EYS: variants seen among roughly 807,000 people sequenced by gnomAD.
EYS encodes the protein EGF-like photoreceptor maintenance factor, also known as protein eyes shut homolog.
EYS carries 250 observed loss-of-function variants against 282.1 expected under a neutral mutation model. The observed-to-expected ratio is 0.89, with a 90% CI of 0.80 to 0.98. EYS has a LOEUF of 0.98. Among genes scored for constraint, EYS ranks in the 50% least tolerant of loss-of-function variants. The pLI, the probability that EYS is intolerant of heterozygous loss-of-function variation, is 0.00. For synonymous variants in EYS, 1,355 were observed against 1,282.9 expected, an observed-to-expected ratio of 1.06 and a Z score of -1.20; for missense variants, 4,016 against 3,709.0, an observed-to-expected ratio of 1.08 and a Z score of -2.15.
intron 23 of EYS, among the ~76,000 whole-genome samples, chr6:64,625,649 A>G (rs546928100): frequency 6.6e-6 from 1 of 152,340 alleles, no homozygotes; most frequent in African/African-American, 2.4e-5. Flanking sequence ...TTAGGGTTCA[A>G]CACATGAATT....
intron 26 of EYS, among the ~76,000 whole-genome samples, chr6:64,448,644 C>A (rs1241719762): frequency 6.6e-6 from 1 of 152,150 alleles, no homozygotes; most frequent in Non-Finnish European, 1.5e-5. Flanking sequence ...GCCGGGTACT[C>A]CTCTGAGACA....
intron 33 of EYS, among the ~76,000 whole-genome samples, chr6:64,027,757 G>T (rs1769603291): frequency 6.6e-6 from 1 of 152,236 alleles, no homozygotes; most frequent in African/African-American, 2.4e-5. Flanking sequence ...CACTGCCCCA[G>T]AGGACAAAGT....
intron 12 of EYS, among the ~76,000 whole-genome samples, chr6:65,231,671 TA>T (rs1766786394): frequency 6.6e-6 from 1 of 151,902 alleles, no homozygotes; most frequent in Non-Finnish European, 1.5e-5. Context: ...TGTTGCTTAA[TA>T]ATTAAATTTA....
chr6:65,287,866 T>C (rs1768412870), intron 12 of EYS, among the ~76,000 whole-genome samples: 1 of 151,266 alleles, frequency 6.6e-6, no homozygotes, highest in Non-Finnish European at 1.5e-5. Context: ...CATAACCTTT[T>C]CTTTTATATT....
Position 65,625,226 on chromosome 6 carries a change from A to T in EYS, c.-333+14552T>A, listed in dbSNP as rs140447327. 2.6e-5 allele frequency among the ~76,000 whole-genome samples: 4 copies of T among 152,286 alleles called. No individual in the cohort carries two copies. The East Asian group carries it at 7.7e-4, about 29-fold the overall frequency. On this transcript the variant is annotated intron_variant, in intron 2 of 42. Transcript: ENST00000503581. ...GCAATCTGAGCGAGCAAGGAAACAG[A>T]TTATCTTATATTCCCCGAAAAGCCA...
chr6:63,814,204 A>G (rs1339011258), intron 36 of EYS, among the ~76,000 whole-genome samples: 1 of 152,222 alleles, frequency 6.6e-6, no homozygotes, highest in African/African-American at 2.4e-5. Flanking sequence ...AGAAATAAAA[A>G]TGGCAACCTA....
At chr6:64,873,394 C>T (rs889840194) in intron 19 of EYS, among the ~76,000 whole-genome samples, 1 of 152,000 alleles carries the variant, frequency 6.6e-6, no homozygotes, top group African/African-American at 2.4e-5. Context: ...CAAATCATAT[C>T]AAGCAGTGAA....
intron 12 of EYS, among the ~76,000 whole-genome samples, chr6:65,275,234 C>A (rs1768014224): frequency 6.6e-6 from 1 of 152,178 alleles, no homozygotes; most frequent in African/African-American, 2.4e-5. Context: ...CTGTGGCTAA[C>A]TATGCTCCTT....
intron 5 of EYS, among the ~76,000 whole-genome samples, chr6:65,488,531 C>T (rs1211016444): frequency 1.3e-5 from 2 of 152,098 alleles, no homozygotes; most frequent in African/African-American, 4.8e-5. Flanking sequence ...GAATCAATAT[C>T]TTGAAAATGG....
intron 12 of EYS, among the ~76,000 whole-genome samples, chr6:65,105,424 A>G (rs1775008328): frequency 6.6e-6 from 1 of 151,886 alleles, no homozygotes; most frequent in East Asian, 1.9e-4. Context: ...ACGTACACAC[A>G]TAAACTATTT....
intron 5 of EYS, among the ~76,000 whole-genome samples, chr6:65,466,276 A>G (rs1764995452): frequency 1.3e-5 from 2 of 152,136 alleles, no homozygotes; most frequent in South Asian, 4.1e-4. Context: ...TTTTGTATAT[A>G]CTGTTTTTAT....
chr6:65,390,709 C>A (rs1017492908), intron 7 of EYS, among the ~76,000 whole-genome samples: 1 of 151,718 alleles, frequency 6.6e-6, no homozygotes, highest in Non-Finnish European at 1.5e-5. Flanking sequence ...CATAGTAAGA[C>A]CCCATATCCA....
intron 7 of EYS, among the ~76,000 whole-genome samples, chr6:65,396,884 A>T (rs1399517866): frequency 6.6e-6 from 1 of 151,832 alleles, no homozygotes; most frequent in Non-Finnish European, 1.5e-5. Context: ...AACATCTGCC[A>T]TCCTATCTAA....
chr6:64,002,031 G>T (rs1768118178), intron 33 of EYS, among the ~76,000 whole-genome samples: 1 of 152,194 alleles, frequency 6.6e-6, no homozygotes, highest in South Asian at 2.1e-4. Context: ...CCTATCCTAT[G>T]CCCATATAAA....
intron 7 of EYS, among the ~76,000 whole-genome samples, chr6:65,401,744 C>T (rs1201537842): frequency 6.6e-6 from 1 of 151,682 alleles, no homozygotes; most frequent in African/African-American, 2.4e-5. Context: ...CAGTGTGTTC[C>T]AAGGCTATTC....
chr6:64,650,472 T>C (rs1768519152), intron 22 of EYS, among the ~76,000 whole-genome samples: 1 of 151,936 alleles, frequency 6.6e-6, no homozygotes, highest in South Asian at 2.1e-4. Flanking sequence ...ATTAATTACA[T>C]GAAAGATGAG....
At chr6:64,207,759 G>A (rs1217145677) in intron 31 of EYS, among the ~76,000 whole-genome samples, 2 of 152,124 alleles carry the variant, frequency 1.3e-5, no homozygotes, top group African/African-American at 4.8e-5. Context: ...CCAAGTTCAA[G>A]CAATTTTCCT....
At chr6:64,406,286 C>T (rs1002943512) in intron 28 of EYS, among the ~76,000 whole-genome samples, 1 of 152,158 alleles carries the variant, frequency 6.6e-6, no homozygotes, top group Non-Finnish European at 1.5e-5. Context: ...TGGATCCCTT[C>T]CTTACATCTT....
intron 36 of EYS, among the ~76,000 whole-genome samples, chr6:63,836,148 G>A (rs1161602952): frequency 6.6e-6 from 1 of 151,950 alleles, no homozygotes; most frequent in East Asian, 1.9e-4. Flanking sequence ...TTGCTAAACT[G>A]TTTTCTAAAT....
Sources: allele counts gnomAD v4.1 joint callset (sites outside exome capture counted in the v4.1 genomes callset), GRCh38; gene constraint gnomAD v4.1.1; transcripts MANE v1.5; gene names NCBI Gene and HGNC (gene_info 2026-07-23, HGNC 2026-07-21).